MCC: variants seen among roughly 807,000 people sequenced by gnomAD.
MCC encodes MCC regulator of Wnt signaling pathway.
In MCC, 90 loss-of-function variants were observed where a neutral mutation model predicts 116.2. The ratio of observed to expected loss-of-function variants is 0.77; its 90% CI spans 0.65 to 0.92. MCC has a LOEUF of 0.92. Ranked by LOEUF, MCC falls within the 40% of genes least tolerant of loss-of-function variation. MCC has a pLI of 0.00. For synonymous variants in MCC, 578 were observed against 510.5 expected, an observed-to-expected ratio of 1.13 and a Z score of -1.78; for missense variants, 1,516 against 1,312.2, an observed-to-expected ratio of 1.16 and a Z score of -2.40.
chr5:113,411,069 A>C (rs1230642341), intron 1 of MCC, among the ~76,000 whole-genome samples: 2 of 152,156 alleles, frequency 1.3e-5, no homozygotes, highest in Non-Finnish European at 2.9e-5. Context: ...ATAAACATAC[A>C]TGTGCATGTG....
chr5:113,445,251 G>A (rs1771176663), intron 1 of MCC, among the ~76,000 whole-genome samples: 1 of 152,052 alleles, frequency 6.6e-6, no homozygotes, highest in Non-Finnish European at 1.5e-5. Context: ...AGAGCAATCA[G>A]GCAAGAGAAA....
chr5:113,071,692 TAA>T (rs1471220388), intron 11 of MCC, among the ~76,000 whole-genome samples: 1 of 152,240 alleles, frequency 6.6e-6, no homozygotes, highest in African/African-American at 2.4e-5. Flanking sequence ...CCTTTTGAAT[TAA>T]GTGTTGTTAC....
intron 3 of MCC, among the ~76,000 whole-genome samples, chr5:113,195,699 A>G (rs541884986): frequency 8.5e-5 from 13 of 152,324 alleles, no homozygotes; most frequent in African/African-American, 2.6e-4. Flanking sequence ...TCAGTAAGCC[A>G]TCTCTGGCTC....
At chr5:113,248,829 CTT>C (rs2150342620) in intron 3 of MCC, among the ~76,000 whole-genome samples, 1 of 131,126 alleles carries the variant, frequency 7.6e-6, no homozygotes, top group African/African-American at 2.9e-5. Flanking sequence ...TTCTCTCTCT[CTT>C]CTTTTTTTTT....
At chr5:113,239,444 T>C (rs1373855392) in intron 3 of MCC, among the ~76,000 whole-genome samples, 1 of 152,216 alleles carries the variant, frequency 6.6e-6, no homozygotes, top group Non-Finnish European at 1.5e-5. Flanking sequence ...CAAACACCTT[T>C]AGTTTAGGCC....
At chr5:113,242,129 A>T (rs1183227123) in intron 3 of MCC, among the ~76,000 whole-genome samples, 1 of 152,234 alleles carries the variant, frequency 6.6e-6, no homozygotes, top group Non-Finnish European at 1.5e-5. Context: ...GTAGACCAAT[A>T]CTGCAAGGTA....
chr5:113,175,466 T>C (rs1262351598), intron 3 of MCC, among the ~76,000 whole-genome samples: 1 of 152,158 alleles, frequency 6.6e-6, no homozygotes, highest in Non-Finnish European at 1.5e-5. Flanking sequence ...CTAAGTTAAT[T>C]TAGCTATTCA....
intron 1 of MCC, among the ~76,000 whole-genome samples, chr5:113,459,137 G>GTA (rs1485344484): frequency 6.5e-5 from 8 of 122,506 alleles, no homozygotes; most frequent in African/African-American, 2.8e-4. Flanking sequence ...AAGGATATGT[G>GTA]TGTGTGTGTG....
At chr5:113,215,053 T>TTTCCCTTACCTGGAACACAATCCC (rs1763260380) in intron 3 of MCC, among the ~76,000 whole-genome samples, 1 of 146,238 alleles carries the variant, frequency 6.8e-6, no homozygotes, top group Non-Finnish European at 1.5e-5. Flanking sequence ...AACACAATCC[T>TTTCCCTTACCTGGAACACAATCCC]CATCTCTCCC....
At chr5:113,202,929 G>A (rs1235572697) in intron 3 of MCC, among the ~76,000 whole-genome samples, 1 of 152,068 alleles carries the variant, frequency 6.6e-6, no homozygotes, top group Non-Finnish European at 1.5e-5. Flanking sequence ...AAGTTTAGAT[G>A]TGACTTTAAA....
At chr5:113,104,482 C>G in intron 6 of MCC, 127 bp from the exon 7 acceptor site, 1 of 724,538 alleles carries the variant, frequency 1.4e-6, no homozygotes. Flanking sequence ...TCAACACCAG[C>G]CAGCCTAACC....
intron 1 of MCC, among the ~76,000 whole-genome samples, chr5:113,428,405 T>C (rs995024974): frequency 6.6e-6 from 1 of 152,332 alleles, no homozygotes; most frequent in Non-Finnish European, 1.5e-5. Flanking sequence ...AGAAGGCTTA[T>C]GACTGAGTCC....
chr5:113,127,676 GC>G (rs1160720581), intron 5 of MCC, among the ~76,000 whole-genome samples: 1 of 151,998 alleles, frequency 6.6e-6, no homozygotes, highest in Non-Finnish European at 1.5e-5. Context: ...CATGTCCTTT[GC>G]CCGCCTTTTA....
intron 8 of MCC, among the ~76,000 whole-genome samples, chr5:113,093,512 A>C (rs1755791032): frequency 6.6e-6 from 1 of 151,996 alleles, no homozygotes; most frequent in Non-Finnish European, 1.5e-5. Context: ...AAAGAAAGTA[A>C]ATGATGCAAG....
At position 113,458,304 on chromosome 5, in the gene MCC, G is replaced by A. The variant is rs552880642; in HGVS notation, c.170+29941C>T. On this transcript the variant is annotated intron_variant, in intron 1 of 18. Transcript: ENST00000408903. The stretch of plus-strand genomic sequence containing the variant: ...AAGCCAGCGAGACCATGAGCCCACC[G>A]GGAGGAAGGAACAAACTCCAGACGT... Among the ~76,000 whole-genome samples, 91 of 151,986 alleles carry A rather than the reference G, an allele frequency of 6.0e-4. 1 individual carries two copies. The highest frequency in any genetic ancestry group is 6.9e-3 in the Middle Eastern group (2 of 290).
intron 9 of MCC, 118 bp downstream of exon 9, chr5:113,085,046 G>T: frequency 7.1e-7 from 1 of 1,403,312 alleles, no homozygotes; most frequent in Non-Finnish European, 1.0e-6. Context: ...AAGGTCCCAG[G>T]GGAAGCCCCT....
At chr5:113,155,602 T>C (rs1310896906) in intron 3 of MCC, among the ~76,000 whole-genome samples, 2 of 152,252 alleles carry the variant, frequency 1.3e-5, no homozygotes, top group East Asian at 1.9e-4. Flanking sequence ...TTGTCAAGTA[T>C]GTATAAATGG....
chr5:113,077,904 C>T (rs542644124), intron 11 of MCC, among the ~76,000 whole-genome samples: 23 of 148,046 alleles, frequency 1.6e-4, no homozygotes, highest in East Asian at 7.8e-4. Flanking sequence ...ATTGATAGAC[C>T]GCTAGCAAGA....
At chr5:113,152,342 G>C (rs2150291987) in intron 3 of MCC, among the ~76,000 whole-genome samples, 1 of 152,250 alleles carries the variant, frequency 6.6e-6, no homozygotes, top group African/African-American at 2.4e-5. Flanking sequence ...CAACACACTG[G>C]TCCCAAAGCA....
Sources: gnomAD v4.1 joint callset for allele counts (sites outside exome capture counted in the v4.1 genomes callset) on GRCh38, gnomAD v4.1.1 for gene constraint, MANE v1.5 for transcripts, NCBI Gene and HGNC (gene_info 2026-07-23, HGNC 2026-07-21) for gene names.